Variants in PGM1 observed in about 807,000 individuals in gnomAD.
PGM1 encodes phosphoglucomutase 1, also known as phosphoglucomutase-1.
PGM1 carries 52 observed loss-of-function variants against 55.6 expected under a neutral mutation model. The ratio of observed to expected loss-of-function variants is 0.94; its 90% CI spans 0.75 to 1.18. PGM1 has a LOEUF of 1.18. Ranked by LOEUF, PGM1 falls within the 50% of genes most tolerant of loss-of-function variation. PGM1 has a pLI of 0.00. For missense variants in PGM1, 724 were observed against 729.3 expected (o/e 0.99, Z 0.08); for synonymous variants, 287 against 271.7 (o/e 1.06, Z -0.55).
At chr1:63,614,334 G>C (rs1557706506) in intron 1 of PGM1, among the ~76,000 whole-genome samples, 2 of 152,168 alleles carry the variant, frequency 1.3e-5, no homozygotes, top group Admixed American at 1.3e-4. Flanking sequence ...TAGCGCTACA[G>C]TCTAGGGGTT....
chr1:63,636,225 C>G lies in PGM1; in HGVS notation c.874-9C>G. 5.0e-6 allele frequency: 8 copies of G among 1,613,384 alleles called. No homozygotes were observed. The highest frequency in any genetic ancestry group is 6.8e-6 in the Non-Finnish European group (8 of 1,179,270). The stretch of plus-strand genomic sequence containing the variant: ...AAAGGTCTTTCTTTGATCCTCTCTT[C>G]TCCCCAAGGATCGAAACATGATTCT... On this transcript the variant is annotated splice_polypyrimidine_tract_variant and intron_variant, in intron 5 of 10. Coordinates refer to ENST00000371084, the MANE Select transcript of PGM1 (RefSeq NM_002633.3).
intron 1 of PGM1, among the ~76,000 whole-genome samples, chr1:63,617,171 T>C (rs563986816): frequency 3.9e-4 from 60 of 152,344 alleles, no homozygotes; most frequent in Non-Finnish European, 7.8e-4. Context: ...CTCCTTGCTG[T>C]GGACTGAGGG....
At chr1:63,595,346 A>C (rs1648030994) in intron 1 of PGM1, among the ~76,000 whole-genome samples, 1 of 152,216 alleles carries the variant, frequency 6.6e-6, no homozygotes, top group Non-Finnish European at 1.5e-5. Flanking sequence ...CAGCACTAAG[A>C]GTCCAATATA....
At chr1:63,631,420 C>T (rs552583546) in intron 3 of PGM1, among the ~76,000 whole-genome samples, 2 of 152,268 alleles carry the variant, frequency 1.3e-5, no homozygotes, top group Admixed American at 6.5e-5. Flanking sequence ...GTCGAGTTTC[C>T]TCATCTATCA....
At chr1:63,605,567 T>C (rs1378475258) in intron 1 of PGM1, among the ~76,000 whole-genome samples, 1 of 151,900 alleles carries the variant, frequency 6.6e-6, no homozygotes, top group Non-Finnish European at 1.5e-5. Flanking sequence ...AATATTTTAT[T>C]TATTATTATT....
At chr1:63,620,564 C>T (rs1043375530) in intron 1 of PGM1, among the ~76,000 whole-genome samples, 10 of 152,114 alleles carry the variant, frequency 6.6e-5, no homozygotes, top group Non-Finnish European at 1.2e-4. Context: ...GCCTGGGACA[C>T]CATTATTAAC....
intron 1 of PGM1, among the ~76,000 whole-genome samples, chr1:63,611,977 C>T (rs1013930124): frequency 2.0e-5 from 3 of 152,244 alleles, no homozygotes; most frequent in Middle Eastern, 3.4e-3. Context: ...AGGAGCTGGA[C>T]GTGGTGGCTC....
chr1:63,635,124 AG>A, intron 5 of PGM1, 105 bp downstream of exon 5: 1 of 930,662 alleles, frequency 1.1e-6, no homozygotes, highest in Non-Finnish European at 1.8e-6. Flanking sequence ...ATAACTGTTA[AG>A]GATCCCTCAT....
At chr1:63,615,919 C>T (rs948297695) in intron 1 of PGM1, among the ~76,000 whole-genome samples, 18 of 151,978 alleles carry the variant, frequency 1.2e-4, no homozygotes, top group Non-Finnish European at 1.9e-4. Context: ...GAAGGGAGCC[C>T]ATAGAGTTGT....
intron 1 of PGM1, among the ~76,000 whole-genome samples, chr1:63,613,182 G>T (rs989167708): frequency 6.6e-6 from 1 of 151,610 alleles, no homozygotes; most frequent in Non-Finnish European, 1.5e-5. Flanking sequence ...GGGGTTGGGG[G>T]GCAGGGTAGA....
At chr1:63,611,161 C>G (rs1648554090) in intron 1 of PGM1, among the ~76,000 whole-genome samples, 1 of 152,056 alleles carries the variant, frequency 6.6e-6, no homozygotes, top group South Asian at 2.1e-4. Flanking sequence ...AGAAGTGCCT[C>G]GTTAGGGTGT....
chr1:63,647,257 TACATATATATATATA>T (rs59937981), intron 7 of PGM1, among the ~76,000 whole-genome samples: 1 of 71,150 alleles, frequency 1.4e-5, no homozygotes, highest in East Asian at 3.4e-4. Flanking sequence ...AATAAAATTT[TACATATATATATATA>T]TATATATATA....
chr1:63,625,581 C>G lies in PGM1; in HGVS notation c.247-3844C>G, dbSNP rs557552457. Among the ~76,000 whole-genome samples, 47 of 152,288 alleles carry G rather than the reference C, an allele frequency of 3.1e-4. No homozygotes were observed. The South Asian group carries it at 9.7e-3, about 32-fold the overall frequency. On this transcript the variant is annotated intron_variant, in intron 1 of 10. Transcript: ENST00000371084. ...GTGGGTGGGACTGCAGGGAGGAAAT[C>G]TAAAGGAAGGATAATTATTACCACA...
intron 1 of PGM1, among the ~76,000 whole-genome samples, chr1:63,612,322 C>T (rs866143318): frequency 3.3e-5 from 5 of 152,090 alleles, no homozygotes; most frequent in East Asian, 3.9e-4. Context: ...TTACGTGACA[C>T]GTGACACCAT....
At chr1:63,608,829 T>C (rs892781022) in intron 1 of PGM1, among the ~76,000 whole-genome samples, 2 of 152,218 alleles carry the variant, frequency 1.3e-5, no homozygotes, top group Non-Finnish European at 2.9e-5. Context: ...CAGTTTGCCA[T>C]AGACAGCTCC....
chr1:63,613,251 T>C (rs944582403), intron 1 of PGM1, among the ~76,000 whole-genome samples: 6 of 129,370 alleles, frequency 4.6e-5, no homozygotes, highest in African/African-American at 1.8e-4. Flanking sequence ...CAAAAGGAGT[T>C]GGCTTATCTT....
chr1:63,642,801 C>A (rs1649551060), intron 7 of PGM1, among the ~76,000 whole-genome samples: 1 of 152,164 alleles, frequency 6.6e-6, no homozygotes, highest in African/African-American at 2.4e-5. Context: ...ACAGCATTAA[C>A]ACTTTGCAAA....
chr1:63,607,523 T>G, intron 1 of PGM1, among the ~76,000 whole-genome samples: 1 of 152,168 alleles, frequency 6.6e-6, no homozygotes, highest in East Asian at 1.9e-4. Flanking sequence ...GGATGGGTGG[T>G]GTGCCCAGCG....
intron 3 of PGM1, 104 bp from the exon 4 acceptor site, chr1:63,631,553 T>C (rs1649193814): frequency 9.1e-7 from 1 of 1,093,420 alleles, no homozygotes; most frequent in Admixed American, 1.7e-5. Flanking sequence ...TAATTGTCCT[T>C]TTAAAATAGC....
Sources: allele counts gnomAD v4.1 joint callset (sites outside exome capture counted in the v4.1 genomes callset), GRCh38; gene constraint gnomAD v4.1.1; transcripts MANE v1.5; gene names NCBI Gene and HGNC (gene_info 2026-07-23, HGNC 2026-07-21).